OR51B5: variants seen among roughly 807,000 people sequenced by gnomAD.
OR51B5 encodes olfactory receptor family 51 subfamily B member 5.
For missense variants in OR51B5, 456 were observed against 374.6 expected, an observed-to-expected ratio of 1.22 and a Z score of -1.79; for synonymous variants, 186 against 144.8, an observed-to-expected ratio of 1.28 and a Z score of -2.04.
At chr11:5,455,522 G>C (rs1264914514) in intron 1 of OR51B5, 1 of 140,592 alleles carries the variant, frequency 7.1e-6, no homozygotes, top group Non-Finnish European at 1.5e-5. Context: ...AGATCTACTT[G>C]TAGATCAAAA....
At chr11:5,433,025 G>T (rs563386836) in intron 1 of OR51B5, among the ~76,000 whole-genome samples, 1 of 152,084 alleles carries the variant, frequency 6.6e-6, no homozygotes, top group Non-Finnish European at 1.5e-5. Context: ...GTTTTAAAAA[G>T]CTGAAAAAGG....
At chr11:5,372,450 A>G (rs1217898950) in intron 1 of OR51B5, among the ~76,000 whole-genome samples, 1 of 152,122 alleles carries the variant, frequency 6.6e-6, no homozygotes, top group East Asian at 1.9e-4. Context: ...CTTTTTTGAT[A>G]ATAGCCATCT....
intron 1 of OR51B5, chr11:5,489,281 G>A (rs763136737): frequency 1.2e-6 from 2 of 1,613,884 alleles, no homozygotes; most frequent in Middle Eastern, 1.6e-4. Flanking sequence ...CGACTGGCCT[G>A]TGCCAACATC....
intron 1 of OR51B5, among the ~76,000 whole-genome samples, chr11:5,416,533 G>T (rs1037825796): frequency 6.6e-6 from 1 of 151,544 alleles, no homozygotes; most frequent in Admixed American, 6.6e-5. Context: ...AAACCCCATT[G>T]TCTCAGCCCA....
intron 1 of OR51B5, among the ~76,000 whole-genome samples, chr11:5,487,519 G>C (rs368661): frequency 0.96 from 146,282 of 152,254 alleles, 70,306 homozygotes; most frequent in South Asian, 0.99. Flanking sequence ...AGATAAGTAA[G>C]AGATTTGTTC....
At chr11:5,375,430 G>A (rs560827226) in intron 1 of OR51B5, among the ~76,000 whole-genome samples, 23 of 131,064 alleles carry the variant, frequency 1.8e-4, no homozygotes, top group Non-Finnish European at 2.9e-4. Context: ...ATCAACTAAC[G>A]AGCAAAATAA....
chr11:5,390,687 G>T, intron 1 of OR51B5: 1 of 280,644 alleles, frequency 3.6e-6, no homozygotes, highest in South Asian at 8.1e-5. Context: ...AAACTAAAAA[G>T]AACAATAAAT....
chr11:5,459,180 C>A (rs1851008886), intron 1 of OR51B5, among the ~76,000 whole-genome samples: 2 of 152,130 alleles, frequency 1.3e-5, no homozygotes, highest in Admixed American at 1.3e-4. Flanking sequence ...TGAATTATGT[C>A]AAAAGCCTTT....
chr11:5,412,744 C>T (rs1042833989), intron 1 of OR51B5, among the ~76,000 whole-genome samples: 1 of 152,088 alleles, frequency 6.6e-6, no homozygotes. Context: ...GGGGGAGGGG[C>T]ACCCGCCATT....
chr11:5,378,732 C>T (rs1168849804), intron 1 of OR51B5, among the ~76,000 whole-genome samples: 6 of 152,206 alleles, frequency 3.9e-5, no homozygotes, highest in African/African-American at 1.4e-4. Context: ...CACTGGCCAT[C>T]AGAGAAATGC....
chr11:5,435,345 TTCA>T (rs1432678976), intron 1 of OR51B5, among the ~76,000 whole-genome samples: 1 of 152,230 alleles, frequency 6.6e-6, no homozygotes, highest in Admixed American at 6.5e-5. Flanking sequence ...CATAATAATC[TTCA>T]TCAAGTATTA....
At chr11:5,462,151 G>C (rs1157929423) in intron 1 of OR51B5, among the ~76,000 whole-genome samples, 1 of 152,130 alleles carries the variant, frequency 6.6e-6, no homozygotes, top group African/African-American at 2.4e-5. Context: ...CCTGTCATGG[G>C]TATGTTTCTC....
At chr11:5,377,465 A>T (rs1269271528) in intron 1 of OR51B5, among the ~76,000 whole-genome samples, 1 of 152,190 alleles carries the variant, frequency 6.6e-6, no homozygotes, top group Non-Finnish European at 1.5e-5. Context: ...GGCCAGGGCA[A>T]TTAGGCAGAA....
chr11:5,472,993 T>A (rs1450155856), intron 1 of OR51B5, among the ~76,000 whole-genome samples: 2 of 152,232 alleles, frequency 1.3e-5, no homozygotes, highest in Non-Finnish European at 2.9e-5. Context: ...GGCAAGCTGA[T>A]AACAACTTGC....
chr11:5,361,622 TG>T (rs1478011310), intron 1 of OR51B5, among the ~76,000 whole-genome samples: 1 of 152,206 alleles, frequency 6.6e-6, no homozygotes, highest in African/African-American at 2.4e-5. Context: ...CAAGATGTGA[TG>T]GGGTATAAGA....
chr11:5,457,763 G>A (rs2133791181), intron 1 of OR51B5, among the ~76,000 whole-genome samples: 1 of 152,236 alleles, frequency 6.6e-6, no homozygotes, highest in South Asian at 2.1e-4. Flanking sequence ...CCACGTATAT[G>A]TCTTCTTTTG....
At chr11:5,360,536 G>C (rs989769166) in intron 1 of OR51B5, among the ~76,000 whole-genome samples, 25 of 151,860 alleles carry the variant, frequency 1.6e-4, no homozygotes, top group African/African-American at 5.6e-4. Flanking sequence ...CTTTTACACT[G>C]TTGGTGAGAC....
At chr11:5,363,188 T>A (rs1444975146) in intron 1 of OR51B5, among the ~76,000 whole-genome samples, 1 of 151,434 alleles carries the variant, frequency 6.6e-6, no homozygotes, top group African/African-American at 2.4e-5. Context: ...AGAAATCATT[T>A]TTCATCAATA....
rs530157338 is a variant in OR51B5, at chr11:5,473,988, C to T, written n.84+31581G>A. Among the ~76,000 whole-genome samples, 6 of 152,040 alleles carry T rather than the reference C, an allele frequency of 3.9e-5. No homozygotes were observed. In the East Asian group the frequency reaches 1.2e-3, roughly 29 times the overall value. On this transcript the variant is annotated intron_variant and non_coding_transcript_variant, in intron 1 of 4. Coordinates refer to the OR51B5 transcript ENST00000415970. Reference sequence around the variant, plus strand: ...TCTTAGAATTCATCAGTAATTCCATCACAAGACATCAGAAGAGGGACATAA... The same window carrying T: ...TCTTAGAATTCATCAGTAATTCCATTACAAGACATCAGAAGAGGGACATAA...
Sources: gnomAD v4.1 joint callset for allele counts (sites outside exome capture counted in the v4.1 genomes callset) on GRCh38, gnomAD v4.1.1 for gene constraint, MANE v1.5 for transcripts, NCBI Gene and HGNC (gene_info 2026-07-23, HGNC 2026-07-21) for gene names.